TCOF1: variants seen among roughly 807,000 people sequenced by gnomAD.
TCOF1 encodes treacle protein.
In TCOF1, 33 loss-of-function variants were observed where a neutral mutation model predicts 149.0. That is an observed-to-expected ratio of 0.22 (90% CI 0.17 to 0.30). The LOEUF is 0.30. Ranked by LOEUF, TCOF1 falls within the 10% of genes least tolerant of loss-of-function variation. The probability of loss-of-function intolerance (pLI) is 1.00; values close to 1 mark genes in which losing one functional copy is unlikely to be tolerated. For synonymous variants in TCOF1, 789 were observed against 738.8 expected (o/e 1.07, Z -1.10); for missense variants, 1,728 against 1,840.7 (o/e 0.94, Z 1.12).
At chr5:150,399,413 C>T (rs1769314965) in intron 26 of TCOF1, among the ~76,000 whole-genome samples, 1 of 152,128 alleles carries the variant, frequency 6.6e-6, no homozygotes, top group Admixed American at 6.5e-5. Flanking sequence ...GTTCATTTTC[C>T]TCATGATCCT....
chr5:150,383,003 C>A, intron 17 of TCOF1: 1 of 1,363,808 alleles, frequency 7.3e-7, no homozygotes, highest in Non-Finnish European at 9.9e-7. Flanking sequence ...CTGGCTGTTT[C>A]CCCCTCAGCA....
rs761167559 is a variant in TCOF1, at chr5:150,376,373, C to T, written c.2142+43C>T. ...TGGGCGGGCCTCAGGGCCGCCCCTA[C>T]GTGGTCCTTTGGACTCCTGGAGACA... On this transcript the variant is annotated intron_variant, in intron 13 of 26. Coordinates refer to ENST00000643257, the MANE Select transcript of TCOF1 (RefSeq NM_001371623.1). The T allele has an allele frequency of 6.2e-6, 10 of 1,614,072 alleles. No individual in the cohort carries two copies. The South Asian group carries it at 6.6e-5, about 11-fold the overall frequency.
At chr5:150,397,685 G>T (rs111348803) in intron 24 of TCOF1, among the ~76,000 whole-genome samples, 69 of 152,266 alleles carry the variant, frequency 4.5e-4, no homozygotes, top group African/African-American at 1.6e-3. Context: ...ACAAAAGTCG[G>T]GCACCCTCAG....
Position 150,393,468 on chromosome 5 carries a change from T to C in TCOF1, c.3700T>C (p.Ser1234Pro). The change falls in exon 23 of 27, where the codon TCT (serine) becomes CCT (proline). Residue 1234 changes from serine (S) to proline (P), a missense_variant. This residue lies in a region of TCOF1 where 1,696 missense variants were observed against 1,765.4 expected (regional missense o/e 0.96). Coordinates refer to ENST00000643257, the MANE Select transcript of TCOF1 (RefSeq NM_001371623.1). The stretch of plus-strand genomic sequence containing the variant: ...GCTAGACTCCAGCCCCTCAGTTTCC[T>C]CTACTCTGGCCGCCAAAGATGACCC... The part of the protein sequence containing the change: ...PKLDSSPSVS[S>P]TLAAKDDPDG... 1.2e-6 allele frequency: 2 copies of C among 1,614,112 alleles called. No individual in the cohort carries two copies. Among genetic ancestry groups the C allele is most frequent in the Non-Finnish European group, 1.7e-6 (2 of 1,180,016 alleles).
chr5:150,396,239 C>T, intron 23 of TCOF1, 43 bp from the exon 24 acceptor site: 3 of 1,607,198 alleles, frequency 1.9e-6, no homozygotes, highest in Non-Finnish European at 2.6e-6. Flanking sequence ...AGATCTGTCC[C>T]CCAACTCTCC....
At chr5:150,392,267 T>C in intron 21 of TCOF1, 91 bp downstream of exon 21, 2 of 1,313,346 alleles carry the variant, frequency 1.5e-6, no homozygotes, top group Non-Finnish European at 2.1e-6. Flanking sequence ...GCTCCATATC[T>C]CAGACTCATT....
chr5:150,396,268 T>G lies in TCOF1; in HGVS notation c.3785-14T>G, dbSNP rs1768490665. The G allele has an allele frequency of 1.9e-6, 3 of 1,613,880 alleles. No individual in the cohort carries two copies. The Admixed American group carries it at 5.0e-5, about 27-fold the overall frequency. On this transcript the variant is annotated splice_polypyrimidine_tract_variant and intron_variant, in intron 23 of 26. Coordinates refer to ENST00000643257, the MANE Select transcript of TCOF1 (RefSeq NM_001371623.1). Reference sequence around the variant, plus strand: ...ACTCTCCCAGATCTGTGACCCCACATTCTCTCTCCATAGGTGGAAAAGAGG... The same window carrying G: ...ACTCTCCCAGATCTGTGACCCCACAGTCTCTCTCCATAGGTGGAAAAGAGG...
At chr5:150,358,445 C>T (rs1007088092) in intron 1 of TCOF1, among the ~76,000 whole-genome samples, 1 of 152,146 alleles carries the variant, frequency 6.6e-6, no homozygotes, top group African/African-American at 2.4e-5. Flanking sequence ...TGGTGAGCAC[C>T]ATCTCTCAGC....
intron 24 of TCOF1, among the ~76,000 whole-genome samples, chr5:150,397,998 C>T (rs982320476): frequency 1.3e-5 from 2 of 152,206 alleles, no homozygotes; most frequent in Non-Finnish European, 2.9e-5. Context: ...ACGCAGCTCA[C>T]TGCAGGCTCA....
Position 150,372,001 on chromosome 5 carries a change from T to G in TCOF1, c.640-5T>G. ...TCATTTTCTAATTCCATCCTCTTGT[T>G]CCAGGGGAAACCCTCAGTAAAACCA... is the stretch of plus-strand genomic sequence containing the variant. On this transcript the variant is annotated splice_region_variant and splice_polypyrimidine_tract_variant and intron_variant, in intron 6 of 26. Coordinates refer to ENST00000643257, the MANE Select transcript of TCOF1 (RefSeq NM_001371623.1). The G allele has an allele frequency of 6.2e-7, 1 of 1,612,248 alleles. No individual in the cohort carries two copies. The highest frequency in any genetic ancestry group is 8.5e-7 in the Non-Finnish European group (1 of 1,178,248).
At chr5:150,391,911 C>A in intron 20 of TCOF1, 46 bp from the exon 21 acceptor site, 4 of 1,596,480 alleles carry the variant, frequency 2.5e-6, no homozygotes, top group Non-Finnish European at 3.4e-6. Context: ...CCAGGTCTTA[C>A]TTGCCCTAAT....
chr5:150,365,607 T>A (rs1429449437), intron 3 of TCOF1, among the ~76,000 whole-genome samples: 1 of 152,156 alleles, frequency 6.6e-6, no homozygotes, highest in African/African-American at 2.4e-5. Context: ...GCATGCTATT[T>A]GAAACACAAA....
At chr5:150,368,278 A>G (rs1213024187) in intron 4 of TCOF1, 1 of 360,014 alleles carries the variant, frequency 2.8e-6, no homozygotes, top group African/African-American at 2.1e-5. Context: ...TGATCAAGAC[A>G]TCTGTGGTTC....
intron 2 of TCOF1, 114 bp from the exon 3 acceptor site, chr5:150,363,999 A>G: frequency 6.7e-7 from 1 of 1,502,130 alleles, no homozygotes; most frequent in Non-Finnish European, 9.2e-7. Flanking sequence ...CACTGTTTAG[A>G]TTCTATGCAC....
chr5:150,368,207 A>G (rs145195947), intron 4 of TCOF1: 4 of 440,126 alleles, frequency 9.1e-6, no homozygotes, highest in African/African-American at 6.0e-5. Context: ...CGTTCACTCA[A>G]CAGATCTTGA....
Position 150,379,727 on chromosome 5 carries a change from G to C in TCOF1, c.2854G>C (p.Ala952Pro), listed in dbSNP as rs373086250. 6.2e-7 allele frequency: 1 copy of C among 1,613,948 alleles called. No homozygotes were observed. The highest frequency in any genetic ancestry group is 1.6e-4 in the Middle Eastern group (1 of 6,062). ...DGEAPAAVTS[A>P]QVIKPPLIFV... The stretch of plus-strand genomic sequence containing the variant: ...GGAGGCACCGGCAGCTGTGACCTCT[G>C]CCCAGGTAAGACTTGCCAGGCCTCT... Residue 952 changes from alanine to proline, a missense_variant, in exon 17 of 27, where the codon GCC becomes CCC. Transcript: ENST00000643257.
intron 3 of TCOF1, 120 bp downstream of exon 3, chr5:150,364,372 G>A (rs1179290093): frequency 2.1e-6 from 3 of 1,426,272 alleles, no homozygotes; most frequent in Non-Finnish European, 1.9e-6. Flanking sequence ...AGGAGATTGG[G>A]AGGGCACCAC....
chr5:150,381,334 T>A (rs1765125705), intron 17 of TCOF1, among the ~76,000 whole-genome samples: 1 of 152,226 alleles, frequency 6.6e-6, no homozygotes, highest in Admixed American at 6.5e-5. Context: ...TGAAAGACAT[T>A]GGCCCCACCC....
At chr5:150,385,692 T>A (rs1766137012) in intron 17 of TCOF1, among the ~76,000 whole-genome samples, 1 of 152,178 alleles carries the variant, frequency 6.6e-6, no homozygotes. Context: ...TGAGCTCAGC[T>A]TTGACAGGAT....
Sources: allele counts gnomAD v4.1 joint callset (sites outside exome capture counted in the v4.1 genomes callset), GRCh38; gene constraint gnomAD v4.1.1; regional missense constraint gnomAD v4.1.1; transcripts MANE v1.5; gene names NCBI Gene and HGNC (gene_info 2026-07-23, HGNC 2026-07-21).